AHCY: variants seen among roughly 807,000 people sequenced by gnomAD.
The protein encoded by AHCY is S-adenosyl-L-homocysteine hydrolase.
A neutral mutation model predicts 45.4 loss-of-function variants in AHCY; 24 were observed. The observed-to-expected ratio is 0.53, with a 90% CI of 0.38 to 0.74. The LOEUF (loss-of-function observed/expected upper bound fraction) is 0.74, where lower values mean the gene tolerates loss of function less well. Among genes scored for constraint, AHCY ranks in the 30% least tolerant of loss-of-function variants. The pLI is 0.00. For synonymous variants in AHCY, 245 were observed against 235.1 expected (o/e 1.04, Z -0.39); for missense variants, 449 against 594.1 (o/e 0.76, Z 2.54).
Position 34,290,792 on chromosome 20 carries a change from G to A in AHCY, c.705C>T (p.Phe235=), listed in dbSNP as rs138904914. The part of the protein sequence containing the change: ...GKGCAQALRG[F]GARVIITEID... ...TCTCGGTGATGATGACGCGGGCTCC[G>A]AAACCCCGCAGGGCCTGGGCACAGC... The change falls in exon 6 of 10, where the codon TTC becomes TTT. Residue 235 remains phenylalanine, a synonymous_variant. Transcript: ENST00000217426. The surrounding 1 kb of genome is among the most constrained non-coding windows in gnomAD (Gnocchi z 4.5). 1.2e-5 allele frequency: 20 copies of A among 1,613,886 alleles called. No individual in the cohort carries two copies. The highest frequency in any genetic ancestry group is 4.4e-5 in the South Asian group (4 of 91,072).
At chr20:34,308,142 T>A (rs1037691400), upstream of AHCY, among the ~76,000 whole-genome samples, 1 of 152,250 alleles carries the variant, frequency 6.6e-6, no homozygotes, top group Non-Finnish European at 1.5e-5. Context: ...TTCTTTTTTA[T>A]GCATGCATAG....
intron 8 of AHCY, among the ~76,000 whole-genome samples, chr20:34,289,150 C>T (rs1416202098): frequency 6.6e-6 from 1 of 151,690 alleles, no homozygotes. Flanking sequence ...ATTACAGGCA[C>T]CCACCACCAT....
At chr20:34,291,830 TC>T (rs948763836) in intron 4 of AHCY, among the ~76,000 whole-genome samples, 44 of 151,920 alleles carry the variant, frequency 2.9e-4, no homozygotes, top group African/African-American at 1.0e-3. Flanking sequence ...CCACAACCCA[TC>T]CTCCATGCAG....
chr20:34,262,593 G>A, the AHCY span, among the ~76,000 whole-genome samples: 1 of 152,170 alleles, frequency 6.6e-6, no homozygotes, highest in African/African-American at 2.4e-5. Context: ...CCCAGTGCCT[G>A]CTTGGATTTC....
chr20:34,273,067 T>G, the AHCY span, among the ~76,000 whole-genome samples: 2 of 152,054 alleles, frequency 1.3e-5, no homozygotes, highest in African/African-American at 4.8e-5. Flanking sequence ...TCCTCTTGGG[T>G]TTTTATGGAG....
the AHCY span, among the ~76,000 whole-genome samples, chr20:34,259,264 C>A: frequency 6.6e-6 from 1 of 150,740 alleles, no homozygotes; most frequent in Non-Finnish European, 1.5e-5. Context: ...AAAATATAGG[C>A]CAGGTGCAGT....
chr20:34,247,917 C>T, the AHCY span, among the ~76,000 whole-genome samples: 33 of 152,030 alleles, frequency 2.2e-4, no homozygotes, highest in African/African-American at 7.5e-4. Context: ...TTTAAATTGC[C>T]CCTGAAGGCC....
chr20:34,238,806 C>G, the AHCY span, among the ~76,000 whole-genome samples: 1 of 151,970 alleles, frequency 6.6e-6, no homozygotes, highest in African/African-American at 2.4e-5. Flanking sequence ...TCAGGGTTTA[C>G]TTTATTTTGT....
At chr20:34,285,695 T>A in intron 8 of AHCY, 61 bp from the exon 9 acceptor site, 2 of 1,589,230 alleles carry the variant, frequency 1.3e-6, no homozygotes, top group Admixed American at 1.7e-5. Context: ...GCCCACCCTC[T>A]GATCTGGCAG....
At chr20:34,241,903 G>A in the AHCY span, among the ~76,000 whole-genome samples, 1 of 152,196 alleles carries the variant, frequency 6.6e-6, no homozygotes, top group Non-Finnish European at 1.5e-5. Context: ...CAGTCTGCAC[G>A]TGTAGCATTT....
chr20:34,289,219 G>T (rs2036287602), intron 8 of AHCY, among the ~76,000 whole-genome samples: 1 of 152,064 alleles, frequency 6.6e-6, no homozygotes, highest in African/African-American at 2.4e-5. Context: ...TGTCACCCAG[G>T]CTGGAGTGCA....
At chr20:34,244,156 G>C in the AHCY span, among the ~76,000 whole-genome samples, 1 of 152,216 alleles carries the variant, frequency 6.6e-6, no homozygotes, top group Non-Finnish European at 1.5e-5. Flanking sequence ...TTTCTTAGAA[G>C]TGTCCGCAGC....
chr20:34,271,023 G>C, the AHCY span, among the ~76,000 whole-genome samples: 11 of 152,096 alleles, frequency 7.2e-5, no homozygotes, highest in Non-Finnish European at 4.4e-5. Context: ...ACTCAGGTGG[G>C]AGTGCAGTGG....
chr20:34,252,344 G>A, the AHCY span, among the ~76,000 whole-genome samples: 1 of 152,146 alleles, frequency 6.6e-6, no homozygotes, highest in Non-Finnish European at 1.5e-5. Context: ...CAACAGGTGG[G>A]GAGAAGGTCA....
chr20:34,238,470 G>A, the AHCY span, among the ~76,000 whole-genome samples: 3 of 151,970 alleles, frequency 2.0e-5, no homozygotes, highest in Non-Finnish European at 4.4e-5. Context: ...TTTGGTTATT[G>A]TACTAATCAA....
chr20:34,263,459 G>A, the AHCY span, among the ~76,000 whole-genome samples: 14 of 151,944 alleles, frequency 9.2e-5, no homozygotes, highest in Non-Finnish European at 1.8e-4. Context: ...CAGCTACTTG[G>A]GAGGCTGAGG....
In AHCY at chr20:34,295,513, C is replaced by T. The variant is rs775953872; in HGVS notation, c.101G>A (p.Arg34His). 11 of 1,613,938 alleles carry T rather than the reference C, an allele frequency of 6.8e-6. No individual in the cohort carries two copies. Among genetic ancestry groups the T allele is most frequent in the East Asian group, 2.2e-5 (1 of 44,890 alleles). The stretch of plus-strand genomic sequence containing the variant: ...GGAGGCCGAGTACCGCTCCCGCATA[C>T]GCATCAGGCCCGGCATCTCGTTCTC... ...IAENEMPGLM[R>H]MRERYSASKP... Residue 34 changes from arginine to histidine, a missense_variant, in exon 2 of 10, where the codon CGT (arginine) becomes CAT (histidine). Physicochemically the swap from Arg to His is conservative, Grantham distance 29. Coordinates refer to ENST00000217426, the MANE Select transcript of AHCY (RefSeq NM_000687.4).
the AHCY span, among the ~76,000 whole-genome samples, chr20:34,262,677 C>T: frequency 2.0e-5 from 3 of 152,170 alleles, no homozygotes; most frequent in African/African-American, 7.2e-5. Flanking sequence ...TAACAAGAAC[C>T]TACTGGCTTG....
upstream of AHCY, chr20:34,303,410 G>T: frequency 7.9e-7 from 1 of 1,264,566 alleles, no homozygotes; most frequent in South Asian, 1.3e-5. Context: ...GCATATTCAT[G>T]ACCCGCTGGG....
Sources: gnomAD v4.1 joint callset for allele counts (sites outside exome capture counted in the v4.1 genomes callset) on GRCh38, gnomAD v4.1.1 for gene constraint, Gnocchi (gnomAD v3.1) non-coding constraint, MANE v1.5 for transcripts, NCBI Gene and HGNC (gene_info 2026-07-23, HGNC 2026-07-21) for gene names.